The following LCOR variants were observed in gnomAD, a reference collection of about 807,000 sequenced individuals.
LCOR encodes ligand dependent nuclear receptor corepressor.
A neutral mutation model predicts 64.4 loss-of-function variants in LCOR; 14 were observed. The ratio of observed to expected loss-of-function variants is 0.22; its 90% CI spans 0.14 to 0.34. LCOR has a LOEUF of 0.34. LCOR is among the 10% of genes least tolerant of loss of function. The pLI is 1.00. For synonymous variants in LCOR, 643 were observed against 642.5 expected, an observed-to-expected ratio of 1.00 and a Z score of -0.01; for missense variants, 1,686 against 1,765.3, an observed-to-expected ratio of 0.96 and a Z score of 0.80.
At position 96,944,097 on chromosome 10, in the gene LCOR, C is replaced by T; in HGVS notation, c.-183-16C>T. On this transcript the variant is annotated splice_polypyrimidine_tract_variant and intron_variant, in intron 4 of 7. Coordinates refer to ENST00000421806, the MANE Select transcript of LCOR (RefSeq NM_001346516.2). ...GAAAGACGTGTGTGCAACTATTTCA[C>T]CAAGTATTTTTGCAGGGACACTTAG... is the stretch of plus-strand genomic sequence containing the variant. The T allele has an allele frequency of 2.0e-6, 2 of 985,538 alleles. No individual in the cohort carries two copies. The highest frequency in any genetic ancestry group is 1.2e-6 in the Non-Finnish European group (1 of 829,852). The allele number at this position is 985,538 out of a possible 1,614,324, so 61.0% of individuals were successfully genotyped here.
chr10:96,834,864 G>C (rs760673933), intron 2 of LCOR, among the ~76,000 whole-genome samples: 6 of 152,062 alleles, frequency 3.9e-5, no homozygotes, highest in Non-Finnish European at 8.8e-5. Context: ...GTTAGTTACT[G>C]CTGCTTGACA....
chr10:96,906,838 CAA>C (rs1020082605), intron 2 of LCOR, among the ~76,000 whole-genome samples: 1 of 152,134 alleles, frequency 6.6e-6, no homozygotes, highest in Non-Finnish European at 1.5e-5. Context: ...AAACTTAACT[CAA>C]AATCTGTTGT....
chr10:96,987,062 T>G lies in LCOR; in HGVS notation c.*1928T>G, dbSNP rs1848154979. 6.6e-6 allele frequency: 1 copy of G among 152,214 alleles called. No individual in the cohort carries two copies. The highest frequency in any genetic ancestry group is 1.5e-5 in the Non-Finnish European group (1 of 68,038). The allele number at this position is 152,214 out of a possible 1,614,324, so 9.4% of individuals were successfully genotyped here. On this transcript the variant is annotated 3_prime_UTR_variant, in exon 8 of 8. Transcript: ENST00000421806. Reference sequence around the variant, plus strand: ...GATTTTTTTTCATGTCTTCTCTATCTGATGAGTCTTTTTCTTTTTAGTATC... The same window carrying G: ...GATTTTTTTTCATGTCTTCTCTATCGGATGAGTCTTTTTCTTTTTAGTATC...
In LCOR at chr10:96,990,891, C is replaced by T. The variant is rs889235397; in HGVS notation, c.*5757C>T. ...TTCTCCCCTAGCTGGGACCATCCCA[C>T]ACGGGGTGCTCAATATGCATGCCTC... On this transcript the variant is annotated 3_prime_UTR_variant, in exon 8 of 8. Coordinates refer to ENST00000421806, the MANE Select transcript of LCOR (RefSeq NM_001346516.2). The T allele has an allele frequency of 6.6e-6, 1 of 152,042 alleles. No homozygotes were observed. Among genetic ancestry groups the T allele is most frequent in the African/African-American group, 2.4e-5 (1 of 41,380 alleles). 9.4% of individuals were successfully genotyped at this position (152,042 alleles called of 1,614,324 possible).
At chr10:96,894,819 C>T (rs1010728688) in intron 2 of LCOR, among the ~76,000 whole-genome samples, 13 of 152,126 alleles carry the variant, frequency 8.5e-5, no homozygotes, top group African/African-American at 3.1e-4. Flanking sequence ...TCAGAATCCT[C>T]GGATGACATT....
At chr10:96,936,600 T>C (rs912747297) in intron 4 of LCOR, among the ~76,000 whole-genome samples, 1 of 152,232 alleles carries the variant, frequency 6.6e-6, no homozygotes, top group Non-Finnish European at 1.5e-5. Flanking sequence ...GCCAGCAGTT[T>C]AGAGAATTTG....
rs1193971577 is a variant in LCOR, at chr10:96,993,766, A to C, written c.*8632A>C. ...GTTATATTATATATATATATTATAT[A>C]TATATATATACAGGTGTATGATAAA... On this transcript the variant is annotated 3_prime_UTR_variant, in exon 8 of 8. Coordinates refer to ENST00000421806, the MANE Select transcript of LCOR (RefSeq NM_001346516.2). 1.3e-5 allele frequency: 2 copies of C among 148,520 alleles called. No individual in the cohort carries two copies. Among genetic ancestry groups the C allele is most frequent in the Non-Finnish European group, 3.0e-5 (2 of 67,338 alleles). 9.2% of individuals were successfully genotyped at this position (148,520 alleles called of 1,614,324 possible).
rs1474621279 is a variant in LCOR at position 96,981,767 on chromosome 10, C to T, written c.1307C>T (p.Ala436Val). The T allele has an allele frequency of 1.9e-6, 3 of 1,614,112 alleles. No individual in the cohort carries two copies. Among genetic ancestry groups the T allele is most frequent in the Non-Finnish European group, 2.5e-6 (3 of 1,180,016 alleles). The change falls in exon 8 of 8, where the codon GCA becomes GTA. Residue 436 changes from alanine (A) to valine (V), a missense_variant. Physicochemically the swap from Ala to Val is moderately conservative, Grantham distance 64. This residue lies in a region of LCOR where 1,293 missense variants were observed against 1,410.4 expected (regional missense o/e 0.92). Transcript: ENST00000421806. The stretch of plus-strand genomic sequence containing the variant: ...CCTATGCCAGCTGTACACAAAGCGG[C>T]AAATGGACACTCAAGAACCAAGATG... ...PGPMPAVHKA[A>V]NGHSRTKMIS...
chr10:96,907,956 A>G (rs1406649157), intron 4 of LCOR: 2 of 152,056 alleles, frequency 1.3e-5, no homozygotes, highest in African/African-American at 2.4e-5. Flanking sequence ...CCTATATCCT[A>G]CCATGCATTT....
rs1174963567 is a variant in LCOR, at chr10:96,941,070, C to G, written c.-183-3043C>G. Among the ~76,000 whole-genome samples the G allele has an allele frequency of 5.3e-3, 430 of 81,030 alleles. 12 individuals are homozygous for G. Among genetic ancestry groups the G allele is most frequent in the South Asian group, 0.019 (44 of 2,322 alleles). The allele number at this position is 81,030 out of a possible 152,430, so 53.2% of individuals were successfully genotyped here. A position where few individuals can be genotyped will look rare whatever the true frequency, so the allele number is the denominator to read the frequency against. ...GACAGGGCGGCTGGCCGACCCCCCC[C>G]CCGCCTCCCTCCCGGACGGGGCGGC... On this transcript the variant is annotated intron_variant, in intron 4 of 7. Coordinates refer to ENST00000421806, the MANE Select transcript of LCOR (RefSeq NM_001346516.2).
At chr10:96,834,593 G>A (rs966300270) in intron 2 of LCOR, among the ~76,000 whole-genome samples, 1 of 152,144 alleles carries the variant, frequency 6.6e-6, no homozygotes, top group East Asian at 1.9e-4. Flanking sequence ...TTGTGGGTTA[G>A]TATCAAATGC....
chr10:96,850,287 C>T (rs372906986), intron 2 of LCOR, among the ~76,000 whole-genome samples: 3 of 152,132 alleles, frequency 2.0e-5, no homozygotes, highest in East Asian at 1.9e-4. Context: ...CAGTGGCTCA[C>T]GCCTGTAATC....
At chr10:96,859,530 A>G (rs1440680969) in intron 2 of LCOR, among the ~76,000 whole-genome samples, 1 of 151,894 alleles carries the variant, frequency 6.6e-6, no homozygotes, top group African/African-American at 2.4e-5. Flanking sequence ...TATCATTCTT[A>G]AAGTCCAGAA....
chr10:96,965,341 A>G (rs1040878872), intron 7 of LCOR, among the ~76,000 whole-genome samples: 3 of 150,278 alleles, frequency 2.0e-5, no homozygotes, highest in South Asian at 4.2e-4. Context: ...AGATGATGCT[A>G]TTGTTAATTG....
At chr10:96,836,437 T>C (rs1845442802) in intron 2 of LCOR, among the ~76,000 whole-genome samples, 1 of 152,232 alleles carries the variant, frequency 6.6e-6, no homozygotes, top group Non-Finnish European at 1.5e-5. Flanking sequence ...GTATTGATGC[T>C]GTTTTTAGGA....
intron 2 of LCOR, among the ~76,000 whole-genome samples, chr10:96,896,844 A>G (rs1014587608): frequency 3.9e-5 from 6 of 152,178 alleles, no homozygotes; most frequent in African/African-American, 1.2e-4. Flanking sequence ...CTAACTCTGG[A>G]AAGAAGAGAG....
At chr10:96,976,853 T>C (rs1403694570) in intron 7 of LCOR, among the ~76,000 whole-genome samples, 3 of 152,194 alleles carry the variant, frequency 2.0e-5, no homozygotes, top group Non-Finnish European at 4.4e-5. Flanking sequence ...AACCCAGCTA[T>C]AGGCATGAAG....
intron 5 of LCOR, among the ~76,000 whole-genome samples, chr10:96,948,265 C>T (rs1847621190): frequency 6.6e-6 from 1 of 151,840 alleles, no homozygotes; most frequent in Admixed American, 6.6e-5. Flanking sequence ...TAAAGTACTC[C>T]TGGAAAATAT....
intron 4 of LCOR, among the ~76,000 whole-genome samples, chr10:96,922,021 T>C (rs1005530466): frequency 3.3e-5 from 5 of 152,346 alleles, no homozygotes; most frequent in Admixed American, 3.3e-4. Context: ...CAGAATGTTT[T>C]TCTTTTTCAA....
Sources: allele counts gnomAD v4.1 joint callset (sites outside exome capture counted in the v4.1 genomes callset), GRCh38; gene constraint gnomAD v4.1.1; regional missense constraint gnomAD v4.1.1; transcripts MANE v1.5; gene names NCBI Gene and HGNC (gene_info 2026-07-23, HGNC 2026-07-21).